Variants in PRKCZ observed in about 807,000 individuals in gnomAD.
The protein encoded by PRKCZ is protein kinase C zeta, also known as protein kinase C zeta type.
Under a neutral mutation model 79.5 loss-of-function variants are expected in PRKCZ, and 33 were observed. The observed-to-expected ratio is 0.41, with a 90% CI of 0.31 to 0.55. PRKCZ has a LOEUF of 0.55. PRKCZ is among the 20% of genes least tolerant of loss of function. The pLI is 0.19. For synonymous variants in PRKCZ, 342 were observed against 320.9 expected (o/e 1.07, Z -0.70); for missense variants, 578 against 813.5 (o/e 0.71, Z 3.52).
chr1:2,144,532 A>G, intron 6 of PRKCZ, 191 bp downstream of exon 6: 2 of 1,417,220 alleles, frequency 1.4e-6, no homozygotes, highest in East Asian at 2.6e-5. Flanking sequence ...AGCCCCCACA[A>G]GCCCCCGGCA....
Position 2,174,656 on chromosome 1 carries a change from C to A in PRKCZ, c.1406-98C>A. 1 of 1,322,570 alleles carries A rather than the reference C, an allele frequency of 7.6e-7. No individual in the cohort carries two copies. The highest frequency in any genetic ancestry group is 1.1e-6 in the Non-Finnish European group (1 of 941,734). The allele number at this position is 1,322,570 out of a possible 1,614,324, so 81.9% of individuals were successfully genotyped here. A position where few individuals can be genotyped will look rare whatever the true frequency, so the allele number is the denominator to read the frequency against. On this transcript the variant is annotated intron_variant, in intron 14 of 17. Transcript: ENST00000378567. The surrounding 1 kb of genome is among the most constrained non-coding windows in gnomAD (Gnocchi z 6.2). ...AGGGAGGGGCTCCGGGGCCCCAAGG[C>A]TGAGCTCCCAAAGCTCTTGCTCAGA...
rs146671057 is a variant in PRKCZ at position 2,161,230 on chromosome 1, C to A, written c.974+5138C>A. 4.3e-3 allele frequency among the ~76,000 whole-genome samples: 654 copies of A among 152,358 alleles called. 2 individuals carry two copies. The highest frequency in any genetic ancestry group is 6.7e-3 in the Non-Finnish European group (454 of 68,032). ...GCGGCCCCCTGATTTGCTCACTTTTCATCGGGGTTGCCTAAAATGGTAAAA... is the reference window on the plus strand; with the variant it reads ...GCGGCCCCCTGATTTGCTCACTTTTAATCGGGGTTGCCTAAAATGGTAAAA... On this transcript the variant is annotated intron_variant, in intron 10 of 17. Transcript: ENST00000378567.
intron 4 of PRKCZ, among the ~76,000 whole-genome samples, chr1:2,105,520 C>T (rs1668234324): frequency 6.6e-6 from 1 of 152,206 alleles, no homozygotes; most frequent in Non-Finnish European, 1.5e-5. Flanking sequence ...TTGCCTCGGC[C>T]TCCCGAGTAG....
chr1:2,133,494 C>T (rs1480279542), intron 4 of PRKCZ: 1 of 146,284 alleles, frequency 6.8e-6, no homozygotes, highest in South Asian at 2.1e-4. Flanking sequence ...TTGGTTCCAC[C>T]CCCCTCCCCA....
chr1:2,064,190 C>T (rs531490893), intron 4 of PRKCZ, among the ~76,000 whole-genome samples: 156 of 152,276 alleles, frequency 1.0e-3, no homozygotes, highest in Non-Finnish European at 1.9e-3. Flanking sequence ...TGTCTTTTCG[C>T]GTCCTGTGTC....
rs1666333583 is a variant in PRKCZ at position 2,095,670 on chromosome 1, G to A, written c.334+36079G>A. 3.3e-5 allele frequency among the ~76,000 whole-genome samples: 5 copies of A among 151,812 alleles called. No homozygotes were observed. In the South Asian group the frequency reaches 8.3e-4, roughly 25 times the overall value. ...CGCAGCCTGGCATGGGCTCACGTCC[G>A]TGTGCTTGTCCAGCCTCCACTCGCC... On this transcript the variant is annotated intron_variant, in intron 4 of 17. Coordinates refer to ENST00000378567, the MANE Select transcript of PRKCZ (RefSeq NM_002744.6).
chr1:2,139,964 G>C (rs146562989), intron 5 of PRKCZ, among the ~76,000 whole-genome samples: 1 of 152,218 alleles, frequency 6.6e-6, no homozygotes, highest in Non-Finnish European at 1.5e-5. Flanking sequence ...CACAAGTGCC[G>C]CAGGGACAGC....
chr1:2,056,323 C>T (rs3737631), intron 2 of PRKCZ, among the ~76,000 whole-genome samples, 161 bp from the exon 3 acceptor site: 17,042 of 152,238 alleles, frequency 0.11, 1,157 homozygotes, highest in South Asian at 0.17. Context: ...CTAGTGTGGA[C>T]GGCCGTCCTT....
intron 4 of PRKCZ, among the ~76,000 whole-genome samples, chr1:2,105,318 TG>T (rs1261485050): frequency 6.6e-6 from 1 of 152,176 alleles, no homozygotes; most frequent in Non-Finnish European, 1.5e-5. Context: ...GCCCTGAGGT[TG>T]GGGCTTGGTC....
intron 4 of PRKCZ, among the ~76,000 whole-genome samples, chr1:2,083,741 T>G (rs1200197633): frequency 1.3e-5 from 2 of 152,088 alleles, no homozygotes; most frequent in Non-Finnish European, 2.9e-5. Flanking sequence ...CTTGGGGCGT[T>G]TTAACAGCTT....
chr1:2,134,258 C>T (rs1675696579), intron 4 of PRKCZ, among the ~76,000 whole-genome samples: 1 of 152,214 alleles, frequency 6.6e-6, no homozygotes, highest in Non-Finnish European at 1.5e-5. Context: ...GTTTTACCAT[C>T]CGTGTGGCCT....
rs773457798 is a variant in PRKCZ at position 2,174,876 on chromosome 1, G to A, written c.1485+43G>A. 42 of 1,588,216 alleles carry A rather than the reference G, an allele frequency of 2.6e-5. No individual in the cohort carries two copies. Among genetic ancestry groups the A allele is most frequent in the Admixed American group, 3.3e-5 (2 of 59,944 alleles). On this transcript the variant is annotated intron_variant, in intron 15 of 17. Coordinates refer to ENST00000378567, the MANE Select transcript of PRKCZ (RefSeq NM_002744.6). The surrounding 1 kb of genome is among the most constrained non-coding windows in gnomAD (Gnocchi z 6.2). The stretch of plus-strand genomic sequence containing the variant: ...CTGACAAAATCTCGTTTGTGGCCTC[G>A]GTGTTGGTGGGCAGAGGGCCAGGCA...
At chr1:2,155,178 G>A (rs567135129) in intron 9 of PRKCZ, among the ~76,000 whole-genome samples, 8 of 151,148 alleles carry the variant, frequency 5.3e-5, no homozygotes, top group African/African-American at 1.9e-4. Context: ...TGGTGATGAC[G>A]TGGTGGTGGT....
chr1:2,132,798 AG>A (rs1675259036), intron 4 of PRKCZ, among the ~76,000 whole-genome samples: 1 of 152,138 alleles, frequency 6.6e-6, no homozygotes, highest in South Asian at 2.1e-4. Flanking sequence ...TTAGTCTCTG[AG>A]GGGCCTAGTG....
chr1:2,090,367 C>T (rs866706217), intron 4 of PRKCZ, among the ~76,000 whole-genome samples: 8 of 152,278 alleles, frequency 5.3e-5, no homozygotes, highest in South Asian at 4.1e-4. Flanking sequence ...GTTTTGTAGC[C>T]GTCAGGGAGC....
intron 4 of PRKCZ, among the ~76,000 whole-genome samples, chr1:2,092,161 G>A (rs1014019022): frequency 2.0e-5 from 3 of 151,946 alleles, no homozygotes; most frequent in Non-Finnish European, 4.4e-5. Context: ...CTCCGGCCCC[G>A]TCCATCCAGC....
intron 4 of PRKCZ, among the ~76,000 whole-genome samples, chr1:2,091,638 C>T (rs1665521560): frequency 6.6e-6 from 1 of 152,154 alleles, no homozygotes; most frequent in Non-Finnish European, 1.5e-5. Context: ...CGCCTGTGGC[C>T]GCTTGTGTGT....
intron 4 of PRKCZ, among the ~76,000 whole-genome samples, chr1:2,129,148 C>A (rs1052138825): frequency 1.3e-5 from 2 of 152,146 alleles, no homozygotes; most frequent in African/African-American, 2.4e-5. Flanking sequence ...ACTGAGGGAA[C>A]CTTCTAGTCA....
chr1:2,077,208 G>A (rs1000027574), intron 4 of PRKCZ, among the ~76,000 whole-genome samples: 4 of 152,236 alleles, frequency 2.6e-5, no homozygotes, highest in South Asian at 2.1e-4. Flanking sequence ...GAGTTTACAC[G>A]CGCTCTGGTG....
Sources: gnomAD v4.1 joint callset for allele counts (sites outside exome capture counted in the v4.1 genomes callset) on GRCh38, gnomAD v4.1.1 for gene constraint, Gnocchi (gnomAD v3.1) non-coding constraint, MANE v1.5 for transcripts, NCBI Gene and HGNC (gene_info 2026-07-23, HGNC 2026-07-21) for gene names.